The following IGSF3 variants were observed in gnomAD, a reference collection of about 807,000 sequenced individuals.
The protein encoded by IGSF3 is glu-Trp-Ile EWI motif-containing protein 3.
Under a neutral mutation model 114.4 loss-of-function variants are expected in IGSF3, and 23 were observed. The observed-to-expected ratio is 0.20, with a 90% CI of 0.14 to 0.28. The LOEUF (loss-of-function observed/expected upper bound fraction) is 0.28, where lower values mean the gene tolerates loss of function less well. IGSF3 is among the 10% of genes least tolerant of loss of function. The pLI is 1.00. For synonymous variants in IGSF3, 571 were observed against 645.2 expected (o/e 0.88, Z 1.74); for missense variants, 1,172 against 1,591.5 (o/e 0.74, Z 4.48).
intron 2 of IGSF3, among the ~76,000 whole-genome samples, chr1:116,639,572 C>T (rs1327716875): frequency 3.9e-5 from 6 of 152,182 alleles, no homozygotes; most frequent in Non-Finnish European, 8.8e-5. Context: ...TCATGCTCTT[C>T]TTACCTTCTC....
At position 116,666,664 on chromosome 1, in the gene IGSF3, G is replaced by C. The variant is rs1412719296; in HGVS notation, c.-338C>G. 2 of 557,694 alleles carry C rather than the reference G, an allele frequency of 3.6e-6. No homozygotes were observed. Among genetic ancestry groups the C allele is most frequent in the South Asian group, 5.2e-5 (2 of 38,278 alleles). The allele number at this position is 557,694 out of a possible 1,614,324, so 34.5% of individuals were successfully genotyped here. A position where few individuals can be genotyped will look rare whatever the true frequency, so the allele number is the denominator to read the frequency against. On this transcript the variant is annotated 5_prime_UTR_variant, in exon 2 of 11. Coordinates refer to ENST00000369486, the MANE Select transcript of IGSF3 (RefSeq NM_001007237.3). ...TCCAGAAGCACGGAAAAAAGGGTCT[G>C]AGAAAATCCTTTCATCCACTGATTA...
chr1:116,622,852 C>T (rs572953287), intron 2 of IGSF3, among the ~76,000 whole-genome samples: 1 of 152,348 alleles, frequency 6.6e-6, no homozygotes, highest in African/African-American at 2.4e-5. Flanking sequence ...ACTAAATGTG[C>T]TCTGTGAATA....
intron 2 of IGSF3, among the ~76,000 whole-genome samples, chr1:116,656,293 CTTTTTTT>C (rs56148691): frequency 6.4e-5 from 4 of 62,472 alleles, no homozygotes; most frequent in African/African-American, 2.6e-4. Flanking sequence ...TTTCTACATT[CTTTTTTT>C]TTTTTTTTTT....
rs1226431292 is a variant in IGSF3, at chr1:116,594,403, C to T, written c.2030-5299G>A. 2.0e-5 allele frequency among the ~76,000 whole-genome samples: 3 copies of T among 152,138 alleles called. No individual in the cohort carries two copies. Among genetic ancestry groups the T allele is most frequent in the African/African-American group, 7.2e-5 (3 of 41,420 alleles). Reference sequence around the variant, plus strand: ...GTAAAGGGAACATTATAAATTATTACAAAAATGGAGTATATGATCTGGGTA... The same window carrying T: ...GTAAAGGGAACATTATAAATTATTATAAAAATGGAGTATATGATCTGGGTA... On this transcript the variant is annotated intron_variant, in intron 7 of 10. Coordinates refer to ENST00000369486, the MANE Select transcript of IGSF3 (RefSeq NM_001007237.3). The surrounding 1 kb of genome is among the most constrained non-coding windows in gnomAD (Gnocchi z 5.2).
At chr1:116,623,001 A>G (rs1001818697) in intron 2 of IGSF3, among the ~76,000 whole-genome samples, 2 of 152,262 alleles carry the variant, frequency 1.3e-5, no homozygotes, top group Non-Finnish European at 2.9e-5. Flanking sequence ...GGTGGAGTCC[A>G]GGCCAACTAA....
Position 116,610,840 on chromosome 1 carries a change from C to T in IGSF3, c.833-2509G>A, listed in dbSNP as rs1660992695. Among the ~76,000 whole-genome samples, 3 of 152,210 alleles carry T rather than the reference C, an allele frequency of 2.0e-5. No homozygotes were observed. Among genetic ancestry groups the T allele is most frequent in the Admixed American group, 6.5e-5 (1 of 15,286 alleles). On this transcript the variant is annotated intron_variant, in intron 4 of 10. Coordinates refer to ENST00000369486, the MANE Select transcript of IGSF3 (RefSeq NM_001007237.3). The surrounding 1 kb of genome is among the most constrained non-coding windows in gnomAD (Gnocchi z 4.3). ...GTGTCTGAGGACCCACTGGGTGTTT[C>T]GCATACTGAGCATCTCTATCAGAGT...
In IGSF3 at chr1:116,649,956, C is replaced by T. The variant is rs1557885549; in HGVS notation, c.43+16328G>A. 6.6e-6 allele frequency among the ~76,000 whole-genome samples: 1 copy of T among 152,210 alleles called. No homozygotes were observed. Among genetic ancestry groups the T allele is most frequent in the Non-Finnish European group, 1.5e-5 (1 of 68,036 alleles). ...CCATTCCTTTCCCCAGAACGCCCTT[C>T]TGCTCCTCCCACACAAATCCTAATC... is the stretch of plus-strand genomic sequence containing the variant. On this transcript the variant is annotated intron_variant, in intron 2 of 10. Coordinates refer to ENST00000369486, the MANE Select transcript of IGSF3 (RefSeq NM_001007237.3). This position sits in a 1 kb window ranked among gnomAD's most constrained non-coding sequence, Gnocchi z 4.5.
chr1:116,601,614 G>T (rs1660593945), intron 6 of IGSF3, among the ~76,000 whole-genome samples: 1 of 152,088 alleles, frequency 6.6e-6, no homozygotes, highest in South Asian at 2.1e-4. Context: ...TGAAAGACTG[G>T]CCACAGGATG....
intron 4 of IGSF3, 94 bp downstream of exon 4, chr1:116,613,671 G>T: frequency 8.4e-7 from 1 of 1,185,998 alleles, no homozygotes. Context: ...TGTCCTGGTA[G>T]AGGTGCCCAA....
In IGSF3 at chr1:116,661,316, C is replaced by T. The variant is rs888021098; in HGVS notation, c.43+4968G>A. Among the ~76,000 whole-genome samples the T allele has an allele frequency of 6.6e-6, 1 of 152,058 alleles. No homozygotes were observed. Among genetic ancestry groups the T allele is most frequent in the Admixed American group, 6.6e-5 (1 of 15,264 alleles). ...TCAAAAAAAATAAAATAACTGAACACCTGCTTACTTTGCATGGCACAAGGC... is the reference window on the plus strand; with the variant it reads ...TCAAAAAAAATAAAATAACTGAACATCTGCTTACTTTGCATGGCACAAGGC... On this transcript the variant is annotated intron_variant, in intron 2 of 10. Coordinates refer to ENST00000369486, the MANE Select transcript of IGSF3 (RefSeq NM_001007237.3). This position sits in a 1 kb window ranked among gnomAD's most constrained non-coding sequence, Gnocchi z 4.0.
Position 116,626,326 on chromosome 1 carries a change from A to G in IGSF3, c.44-9869T>C, listed in dbSNP as rs531725210. Among the ~76,000 whole-genome samples, 4 of 152,170 alleles carry G rather than the reference A, an allele frequency of 2.6e-5. No homozygotes were observed. In the East Asian group the frequency reaches 7.7e-4, roughly 29 times the overall value. On this transcript the variant is annotated intron_variant, in intron 2 of 10. Transcript: ENST00000369486. The stretch of plus-strand genomic sequence containing the variant: ...CACATTATTTTTCAGCATTTTTTAC[A>G]TAAACATTATCGTCCCTTTCATTGA...
In IGSF3 at chr1:116,605,567, A is replaced by G. The variant is rs1051593893; in HGVS notation, c.1223-1542T>C. Among the ~76,000 whole-genome samples the G allele has an allele frequency of 6.6e-6, 1 of 152,140 alleles. No individual in the cohort carries two copies. Among genetic ancestry groups the G allele is most frequent in the African/African-American group, 2.4e-5 (1 of 41,426 alleles). The stretch of plus-strand genomic sequence containing the variant: ...AAGGGGATGGATTTGGAGACTTCCT[A>G]ACTCTGTAATCCTGTGGTTCTTCCT... On this transcript the variant is annotated intron_variant, in intron 5 of 10. Coordinates refer to ENST00000369486, the MANE Select transcript of IGSF3 (RefSeq NM_001007237.3). This position sits in a 1 kb window ranked among gnomAD's most constrained non-coding sequence, Gnocchi z 5.1.
At chr1:116,587,463 A>G (rs1659900348) in intron 8 of IGSF3, among the ~76,000 whole-genome samples, 1 of 151,644 alleles carries the variant, frequency 6.6e-6, no homozygotes, top group Non-Finnish European at 1.5e-5. Flanking sequence ...TATGGCCAAC[A>G]TGTTCCAGGC....
chr1:116,587,210 G>A (rs895041430), intron 8 of IGSF3, among the ~76,000 whole-genome samples: 3 of 152,176 alleles, frequency 2.0e-5, no homozygotes, highest in Non-Finnish European at 4.4e-5. Context: ...AAACAAATGT[G>A]TGTGTGTGTA....
rs559241 is a variant in IGSF3, at chr1:116,624,296, C to G, written c.44-7839G>C. 0.33 allele frequency among the ~76,000 whole-genome samples: 50,714 copies of G among 151,826 alleles called. 9,269 individuals are homozygous for G. The highest frequency in any genetic ancestry group is 0.39 in the Non-Finnish European group (26,692 of 67,930). On this transcript the variant is annotated intron_variant, in intron 2 of 10. Transcript: ENST00000369486. The surrounding 1 kb of genome is among the most constrained non-coding windows in gnomAD (Gnocchi z 4.9). ...CCAGCAGCAAACCTAAAGTTTGGATCGAATTCCTAAGTCTTCGCCTTCACT... is the reference window on the plus strand; with the variant it reads ...CCAGCAGCAAACCTAAAGTTTGGATGGAATTCCTAAGTCTTCGCCTTCACT...
chr1:116,634,630 T>G lies in IGSF3; in HGVS notation c.44-18173A>C, dbSNP rs1474228380. Among the ~76,000 whole-genome samples the G allele has an allele frequency of 6.6e-6, 1 of 152,156 alleles. No homozygotes were observed. Among genetic ancestry groups the G allele is most frequent in the Non-Finnish European group, 1.5e-5 (1 of 68,016 alleles). ...TGCAATTTCCCCACCTGAGACAAAA[T>G]GTATTTCCCAAAGTTGGCTTGCAAT... On this transcript the variant is annotated intron_variant, in intron 2 of 10. Transcript: ENST00000369486. The surrounding 1 kb of genome is among the most constrained non-coding windows in gnomAD (Gnocchi z 4.2).
chr1:116,622,606 T>C (rs1661459277), intron 2 of IGSF3, among the ~76,000 whole-genome samples: 1 of 152,224 alleles, frequency 6.6e-6, no homozygotes, highest in Non-Finnish European at 1.5e-5. Context: ...ATCTCCTTTT[T>C]TTAAATAAGC....
At chr1:116,667,425 G>A (rs1442354559) in intron 1 of IGSF3, among the ~76,000 whole-genome samples, 193 bp downstream of exon 1, 1 of 152,138 alleles carries the variant, frequency 6.6e-6, no homozygotes, top group African/African-American at 2.4e-5. Context: ...GGAGTCCGGA[G>A]CTCCGCTTTC....
At chr1:116,656,293 CTTTTTTTTTTT>C (rs56148691) in intron 2 of IGSF3, among the ~76,000 whole-genome samples, 14 of 62,440 alleles carry the variant, frequency 2.2e-4, no homozygotes, top group African/African-American at 1.3e-4. Context: ...TTTCTACATT[CTTTTTTTTTTT>C]TTTTTTTTTT....
Sources: gnomAD v4.1 joint callset for allele counts (sites outside exome capture counted in the v4.1 genomes callset) on GRCh38, gnomAD v4.1.1 for gene constraint, Gnocchi (gnomAD v3.1) non-coding constraint, MANE v1.5 for transcripts, NCBI Gene and HGNC (gene_info 2026-07-23, HGNC 2026-07-21) for gene names.